Variants in PTPRK observed in about 807,000 individuals in gnomAD.
PTPRK encodes receptor-type tyrosine-protein phosphatase kappa.
In PTPRK, 75 loss-of-function variants were observed where a neutral mutation model predicts 178.0. The ratio of observed to expected loss-of-function variants is 0.42; its 90% CI spans 0.35 to 0.51. The LOEUF (loss-of-function observed/expected upper bound fraction) is 0.51, where lower values mean the gene tolerates loss of function less well. PTPRK is among the 20% of genes least tolerant of loss of function. The pLI is 0.02. For missense variants in PTPRK, 1,441 were observed against 1,797.8 expected (o/e 0.80, Z 3.59); for synonymous variants, 637 against 620.6 (o/e 1.03, Z -0.39).
Position 128,279,139 on chromosome 6 carries a change from T to G in PTPRK, c.496-36537A>C, listed in dbSNP as rs1400792641. On this transcript the variant is annotated intron_variant, in intron 3 of 29. Transcript: ENST00000368226. ...GCTCAGACTGTGAGCCATTAGAAGT[T>G]GACTGTAACAGAGCTGGAAATCATA... 2.6e-5 allele frequency among the ~76,000 whole-genome samples: 4 copies of G among 151,766 alleles called. No individual in the cohort carries two copies. The East Asian group carries it at 5.8e-4, about 22-fold the overall frequency.
Position 128,066,486 on chromosome 6 carries a change from G to C in PTPRK, c.2157+1033C>G, listed in dbSNP as rs1270577337. Among the ~76,000 whole-genome samples the C allele has an allele frequency of 5.4e-5, 6 of 110,586 alleles. No homozygotes were observed. In the East Asian group the frequency reaches 1.6e-3, roughly 30 times the overall value. 72.5% of individuals were successfully genotyped at this position (110,586 alleles called of 152,430 possible). On this transcript the variant is annotated intron_variant, in intron 12 of 29. Coordinates refer to ENST00000368226, the MANE Select transcript of PTPRK (RefSeq NM_002844.4). The stretch of plus-strand genomic sequence containing the variant: ...GCCCCTGCAGAAATGCAAAAGGATT[G>C]TTATGTCTTCCAATTAAACTCTTTA...
intron 1 of PTPRK, among the ~76,000 whole-genome samples, chr6:128,443,095 A>C (rs563492752): frequency 2.6e-5 from 4 of 152,236 alleles, no homozygotes; most frequent in East Asian, 3.9e-4. Flanking sequence ...CAAAAAAAAA[A>C]CCAAAAACAA....
At chr6:128,016,901 GT>G (rs2114744517) in intron 13 of PTPRK, among the ~76,000 whole-genome samples, 1 of 152,050 alleles carries the variant, frequency 6.6e-6, no homozygotes, top group East Asian at 1.9e-4. Context: ...AAGTACATGA[GT>G]CACTTTCTGG....
At chr6:128,032,670 A>G (rs1775541078) in intron 13 of PTPRK, among the ~76,000 whole-genome samples, 1 of 152,184 alleles carries the variant, frequency 6.6e-6, no homozygotes, top group African/African-American at 2.4e-5. Flanking sequence ...AAAAGATGCA[A>G]TAATTCCAGC....
In PTPRK at chr6:128,184,472, C is replaced by G; in HGVS notation, c.1122G>C (p.Gly374=). 3 of 1,613,646 alleles carry G rather than the reference C, an allele frequency of 1.9e-6. No homozygotes were observed. The highest frequency in any genetic ancestry group is 2.5e-6 in the Non-Finnish European group (3 of 1,179,778). Residue 374 remains glycine, a synonymous_variant, in exon 7 of 30, where the codon GGG becomes GGC. Coordinates refer to ENST00000368226, the MANE Select transcript of PTPRK (RefSeq NM_002844.4). ...LLTRPGEGGT[G]LPGPPLITRT... Reference sequence around the variant, plus strand: ...TGGTGATTAGTGGAGGTCCTGGGAGCCCCGTTCCACCTTCACCAGGTCTTG... The same window carrying G: ...TGGTGATTAGTGGAGGTCCTGGGAGGCCCGTTCCACCTTCACCAGGTCTTG...
At chr6:128,338,452 C>T (rs1372468587) in intron 2 of PTPRK, among the ~76,000 whole-genome samples, 2 of 152,132 alleles carry the variant, frequency 1.3e-5, no homozygotes, top group Admixed American at 6.6e-5. Context: ...AAGATCAAGG[C>T]TGGGAAAAAG....
At chr6:128,161,682 T>C (rs956230529) in intron 7 of PTPRK, among the ~76,000 whole-genome samples, 2 of 151,572 alleles carry the variant, frequency 1.3e-5, no homozygotes, top group African/African-American at 2.4e-5. Flanking sequence ...TGACAGAATA[T>C]AATGCTTCTG....
intron 6 of PTPRK, among the ~76,000 whole-genome samples, chr6:128,188,060 G>A (rs1489934980): frequency 6.6e-6 from 1 of 151,976 alleles, no homozygotes; most frequent in Non-Finnish European, 1.5e-5. Context: ...TACACAACCA[G>A]ACCCAGAAGT....
At chr6:128,169,791 G>A (rs1027752025) in intron 7 of PTPRK, among the ~76,000 whole-genome samples, 20 of 141,182 alleles carry the variant, frequency 1.4e-4, no homozygotes, top group East Asian at 7.2e-4. Context: ...TAATGTGTGT[G>A]TGTGTGTGTG....
intron 6 of PTPRK, among the ~76,000 whole-genome samples, chr6:128,207,099 G>A (rs964400507): frequency 6.6e-6 from 1 of 152,150 alleles, no homozygotes; most frequent in African/African-American, 2.4e-5. Flanking sequence ...GGTAGATGGT[G>A]TGCTCGGGCT....
chr6:128,066,899 T>C (rs1781872753), intron 12 of PTPRK, among the ~76,000 whole-genome samples: 1 of 152,104 alleles, frequency 6.6e-6, no homozygotes, highest in Non-Finnish European at 1.5e-5. Flanking sequence ...AAAACAACTG[T>C]GTCCAAAATG....
At chr6:127,983,419 A>C (rs1296472604) in intron 22 of PTPRK, 42 bp from the exon 23 acceptor site, 1 of 1,601,200 alleles carries the variant, frequency 6.2e-7, no homozygotes, top group East Asian at 2.2e-5. Context: ...GAAGCATGTT[A>C]GTCTTCATAA....
chr6:128,152,069 G>A (rs555755400), intron 7 of PTPRK, among the ~76,000 whole-genome samples: 2 of 152,090 alleles, frequency 1.3e-5, no homozygotes, highest in East Asian at 3.9e-4. Context: ...TCTCTGAAAA[G>A]GCATAGGATG....
At chr6:128,167,227 A>C (rs1799545934) in intron 7 of PTPRK, among the ~76,000 whole-genome samples, 1 of 151,874 alleles carries the variant, frequency 6.6e-6, no homozygotes, top group Admixed American at 6.6e-5. Context: ...AAAAAAATCC[A>C]ATTTTAATAG....
chr6:128,262,418 T>A (rs1818308129), intron 3 of PTPRK, among the ~76,000 whole-genome samples: 1 of 152,142 alleles, frequency 6.6e-6, no homozygotes, highest in Non-Finnish European at 1.5e-5. Context: ...TATCCTAAAT[T>A]TTTGGCCTTT....
intron 1 of PTPRK, among the ~76,000 whole-genome samples, chr6:128,497,476 C>A (rs191834900): frequency 1.3e-5 from 2 of 152,050 alleles, no homozygotes; most frequent in East Asian, 3.9e-4. Flanking sequence ...ACAAACTAGA[C>A]AGAAAATAGG....
At chr6:128,100,355 G>T (rs1022175870) in intron 7 of PTPRK, among the ~76,000 whole-genome samples, 1 of 151,804 alleles carries the variant, frequency 6.6e-6, no homozygotes, top group Non-Finnish European at 1.5e-5. Flanking sequence ...AATAAATATG[G>T]TCATTTGAAA....
chr6:128,269,517 AT>A (rs1392688332), intron 3 of PTPRK, among the ~76,000 whole-genome samples: 11 of 150,756 alleles, frequency 7.3e-5, no homozygotes, highest in African/African-American at 2.5e-4. Flanking sequence ...AAAAAAATAA[AT>A]TTAAAAAAAA....
At chr6:128,152,600 A>G (rs1797422770) in intron 7 of PTPRK, among the ~76,000 whole-genome samples, 1 of 151,732 alleles carries the variant, frequency 6.6e-6, no homozygotes, top group Admixed American at 6.6e-5. Context: ...GGTTGAATTG[A>G]TAAGTTTAAT....
Sources: allele counts gnomAD v4.1 joint callset (sites outside exome capture counted in the v4.1 genomes callset), GRCh38; gene constraint gnomAD v4.1.1; transcripts MANE v1.5; gene names NCBI Gene and HGNC (gene_info 2026-07-23, HGNC 2026-07-21).